The following CFAP92 variants were observed in gnomAD, a reference collection of about 807,000 sequenced individuals.
The protein encoded by CFAP92 is uncharacterized protein CFAP92.
CFAP92 carries 86 observed loss-of-function variants against 106.3 expected under a neutral mutation model. The observed-to-expected ratio is 0.81, with a 90% CI of 0.68 to 0.97. The LOEUF (loss-of-function observed/expected upper bound fraction) is 0.97. Among genes scored for constraint, CFAP92 ranks in the 50% least tolerant of loss-of-function variants. CFAP92 has a pLI of 0.00. For missense variants in CFAP92, 1,204 were observed against 1,283.8 expected (o/e 0.94, Z 0.95); for synonymous variants, 477 against 506.4 (o/e 0.94, Z 0.78).
Position 128,978,178 on chromosome 3 carries a change from T to C in CFAP92, c.675A>G (p.Arg225=). 2 of 1,613,382 alleles carry C rather than the reference T, an allele frequency of 1.2e-6. No individual in the cohort carries two copies. Among genetic ancestry groups the C allele is most frequent in the Non-Finnish European group, 1.7e-6 (2 of 1,179,564 alleles). Residue 225 remains arginine, a synonymous_variant, in exon 5 of 16, where the codon AGA becomes AGG. Coordinates refer to ENST00000645291, the MANE Select transcript of CFAP92 (RefSeq NM_001394090.1). Reference sequence around the variant, plus strand: ...ATTTTCTCTGATTTAAAACCAAATGTCTCACTTCTAGAATGCAGGAGAAGA... The same window carrying C: ...ATTTTCTCTGATTTAAAACCAAATGCCTCACTTCTAGAATGCAGGAGAAGA... ...DVGAFHKSEV[R]HLVLNQRKLS...
the CFAP92 span, among the ~76,000 whole-genome samples, chr3:129,015,413 C>A: frequency 0.019 from 2,860 of 152,128 alleles, 96 homozygotes; most frequent in African/African-American, 0.065. Flanking sequence ...TTGAGGTCTG[C>A]TCCTTCGGGG....
At chr3:128,917,661 G>A (rs898515526) in intron 12 of CFAP92, among the ~76,000 whole-genome samples, 1 of 152,138 alleles carries the variant, frequency 6.6e-6, no homozygotes, top group Non-Finnish European at 1.5e-5. Context: ...ATATGAAGCA[G>A]AAGTAAAACT....
rs1559942194 is a variant in CFAP92, at chr3:128,993,466, G to A, written c.-32-130C>T. ...CCCCGCCTGCTCCTAGATGAACGCCGGGGCTCCTTCACTGCCTGCCACACA... is the reference window on the plus strand; with the variant it reads ...CCCCGCCTGCTCCTAGATGAACGCCAGGGCTCCTTCACTGCCTGCCACACA... On this transcript the variant is annotated intron_variant, in intron 1 of 15. Transcript: ENST00000645291. 4 of 909,450 alleles carry A rather than the reference G, an allele frequency of 4.4e-6. No homozygotes were observed. The East Asian group carries it at 8.0e-5, about 18-fold the overall frequency. 56.3% of individuals were successfully genotyped at this position (909,450 alleles called of 1,614,324 possible).
chr3:128,999,499 C>T (rs537442818), intron 1 of CFAP92, among the ~76,000 whole-genome samples: 45 of 148,090 alleles, frequency 3.0e-4, no homozygotes, highest in African/African-American at 1.1e-3. Context: ...GGGCTACCAG[C>T]TCTTAGGGCT....
At chr3:128,959,922 A>T (rs572226677) in intron 9 of CFAP92, among the ~76,000 whole-genome samples, 44 of 152,336 alleles carry the variant, frequency 2.9e-4, no homozygotes, top group African/African-American at 7.5e-4. Context: ...AAATAAAAAC[A>T]GCCTTAACTG....
At chr3:128,916,313 C>T in intron 12 of CFAP92, 42 bp from the exon 13 acceptor site, 1 of 1,211,510 alleles carries the variant, frequency 8.3e-7, no homozygotes, top group African/African-American at 1.6e-5. Flanking sequence ...CCAGGTCATC[C>T]TCACCCCCCA....
At chr3:128,972,781 G>A (rs1655709386) in intron 7 of CFAP92, among the ~76,000 whole-genome samples, 2 of 151,844 alleles carry the variant, frequency 1.3e-5, no homozygotes, top group Admixed American at 6.6e-5. Context: ...CTTGAACCTG[G>A]GAGGCAGAGG....
At chr3:128,992,486 C>T (rs982431306) in intron 2 of CFAP92, among the ~76,000 whole-genome samples, 19 of 152,030 alleles carry the variant, frequency 1.2e-4, no homozygotes, top group African/African-American at 4.1e-4. Context: ...TGCTTGAACC[C>T]GGAAGGCTGA....
upstream of CFAP92, chr3:129,003,911 G>T: frequency 7.4e-7 from 1 of 1,353,306 alleles, no homozygotes; most frequent in South Asian, 1.7e-5. Context: ...GGCCCGCGCT[G>T]GGCGGCTGCG....
chr3:129,020,454 TAGTG>T, the CFAP92 span, among the ~76,000 whole-genome samples: 1 of 151,998 alleles, frequency 6.6e-6, no homozygotes, highest in East Asian at 1.9e-4. Context: ...CTGGGCAACA[TAGTG>T]AGACTCCATC....
At chr3:128,916,347 G>T in intron 12 of CFAP92, 76 bp from the exon 13 acceptor site, 1 of 973,498 alleles carries the variant, frequency 1.0e-6, no homozygotes, top group Non-Finnish European at 1.3e-6. Context: ...GCAGTGAGAT[G>T]ATCTCTGGGA....
intron 9 of CFAP92, among the ~76,000 whole-genome samples, chr3:128,962,394 C>T (rs1029607121): frequency 1.3e-5 from 2 of 152,168 alleles, no homozygotes; most frequent in Non-Finnish European, 2.9e-5. Context: ...AACTCTGGTG[C>T]CAACTTAGAC....
At chr3:129,013,994 C>G in the CFAP92 span, among the ~76,000 whole-genome samples, 9 of 152,164 alleles carry the variant, frequency 5.9e-5, no homozygotes, top group Non-Finnish European at 1.2e-4. Flanking sequence ...CGGAGAGGAC[C>G]GAGGTGACTG....
At chr3:128,949,815 G>T (rs1940606992) in intron 9 of CFAP92, among the ~76,000 whole-genome samples, 1 of 152,092 alleles carries the variant, frequency 6.6e-6, no homozygotes, top group African/African-American at 2.4e-5. Context: ...GCCTCCTGAG[G>T]AGCTGGGATC....
At chr3:128,932,230 C>T (rs1260658087) in intron 12 of CFAP92, among the ~76,000 whole-genome samples, 1 of 152,148 alleles carries the variant, frequency 6.6e-6, no homozygotes, top group African/African-American at 2.4e-5. Flanking sequence ...GTTCTCCTTG[C>T]CCATTCAGGC....
chr3:128,998,490 A>G (rs527643863), upstream of CFAP92, among the ~76,000 whole-genome samples: 1 of 152,348 alleles, frequency 6.6e-6, no homozygotes, highest in South Asian at 2.1e-4. Flanking sequence ...GCCCAAGGAC[A>G]TTCCCAGACA....
At chr3:129,017,528 C>G in the CFAP92 span, among the ~76,000 whole-genome samples, 3 of 152,240 alleles carry the variant, frequency 2.0e-5, no homozygotes, top group African/African-American at 7.2e-5. Context: ...CAGAATCCAG[C>G]TCCTTTTGGC....
intron 15 of CFAP92, among the ~76,000 whole-genome samples, chr3:128,913,944 G>A (rs957535533): frequency 3.3e-5 from 5 of 152,110 alleles, no homozygotes; most frequent in African/African-American, 4.8e-5. Context: ...CTGGAAGGGG[G>A]CTTCACTCTA....
chr3:129,014,533 C>T, the CFAP92 span, among the ~76,000 whole-genome samples: 753 of 152,310 alleles, frequency 4.9e-3, 7 homozygotes, highest in African/African-American at 0.017. The surrounding 1 kb of genome is among the most constrained non-coding windows in gnomAD (Gnocchi z 4.3). Flanking sequence ...GGATTAGGGC[C>T]CACCCTAAAG....
Sources: allele counts gnomAD v4.1 joint callset (sites outside exome capture counted in the v4.1 genomes callset), GRCh38; gene constraint gnomAD v4.1.1; non-coding constraint Gnocchi (gnomAD v3.1); transcripts MANE v1.5; gene names NCBI Gene and HGNC (gene_info 2026-07-23, HGNC 2026-07-21).